Variants in FOXP2 observed in about 807,000 individuals in gnomAD.
FOXP2 encodes forkhead box P2.
In FOXP2, 12 loss-of-function variants were observed where a neutral mutation model predicts 115.8. The observed-to-expected ratio is 0.10, with a 90% CI of 0.07 to 0.17. The LOEUF is 0.17. FOXP2 is among the 10% of genes least tolerant of loss of function. FOXP2 has a pLI of 1.00. For missense variants in FOXP2, 629 were observed against 843.5 expected, an observed-to-expected ratio of 0.75 and a Z score of 3.15; for synonymous variants, 328 against 297.7, an observed-to-expected ratio of 1.10 and a Z score of -1.05.
intron 2 of FOXP2, among the ~76,000 whole-genome samples, chr7:114,512,002 T>G (rs1356367086): frequency 6.6e-6 from 1 of 152,196 alleles, no homozygotes; most frequent in African/African-American, 2.4e-5. Flanking sequence ...AATCATACTA[T>G]ATGTCATTAT....
At chr7:114,238,167 G>A (rs1584567929) in intron 1 of FOXP2, among the ~76,000 whole-genome samples, 1 of 152,184 alleles carries the variant, frequency 6.6e-6, no homozygotes, top group Non-Finnish European at 1.5e-5. Context: ...AAATGCAGAT[G>A]TGCTGTTTGT....
chr7:114,196,020 T>A (rs28721565), intron 1 of FOXP2, among the ~76,000 whole-genome samples: 17,701 of 152,062 alleles, frequency 0.12, 1,668 homozygotes, highest in African/African-American at 0.26. Context: ...TTAATTAATT[T>A]ATTTATTTAT....
intron 2 of FOXP2, among the ~76,000 whole-genome samples, chr7:114,519,695 A>G (rs1437078200): frequency 6.6e-6 from 1 of 152,154 alleles, no homozygotes; most frequent in Non-Finnish European, 1.5e-5. Context: ...TCATTCTGCA[A>G]TCATAAGAAG....
At chr7:114,447,597 C>T (rs1226204115) in intron 2 of FOXP2, among the ~76,000 whole-genome samples, 1 of 152,136 alleles carries the variant, frequency 6.6e-6, no homozygotes, top group African/African-American at 2.4e-5. Flanking sequence ...TCCTGGATCA[C>T]AAGTACCCCA....
intron 7 of FOXP2, among the ~76,000 whole-genome samples, chr7:114,642,908 C>A (rs1344334786): frequency 1.4e-5 from 2 of 147,876 alleles, no homozygotes; most frequent in Non-Finnish European, 3.0e-5. Context: ...TCCCGGGTTC[C>A]TGCCATTCTC....
chr7:114,233,495 A>G (rs1794936335), intron 1 of FOXP2, among the ~76,000 whole-genome samples: 1 of 152,228 alleles, frequency 6.6e-6, no homozygotes, highest in Non-Finnish European at 1.5e-5. Flanking sequence ...GAACAGTGGC[A>G]TTCAACTTGT....
chr7:114,220,164 G>T (rs1239781409), intron 1 of FOXP2, among the ~76,000 whole-genome samples: 1 of 151,680 alleles, frequency 6.6e-6, no homozygotes, highest in African/African-American at 2.4e-5. Context: ...TCCTGGCCCT[G>T]TGAGGGTTTT....
chr7:114,443,649 C>A (rs1350834469), intron 2 of FOXP2, among the ~76,000 whole-genome samples: 1 of 152,122 alleles, frequency 6.6e-6, no homozygotes, highest in East Asian at 1.9e-4. Flanking sequence ...GTTTAGCTCC[C>A]ACTTATAAGT....
chr7:114,483,134 G>T (rs775343618), intron 2 of FOXP2, among the ~76,000 whole-genome samples: 8 of 151,232 alleles, frequency 5.3e-5, no homozygotes, highest in Non-Finnish European at 1.2e-4. Flanking sequence ...TTTCCAGTCA[G>T]TGAGGTTCGT....
intron 2 of FOXP2, among the ~76,000 whole-genome samples, chr7:114,377,115 A>G (rs1792159498): frequency 6.6e-6 from 1 of 152,178 alleles, no homozygotes; most frequent in Admixed American, 6.6e-5. Context: ...AAACCAAATC[A>G]GAGATATTTC....
chr7:114,542,116 A>G (rs1300083715), intron 3 of FOXP2, among the ~76,000 whole-genome samples: 1 of 151,900 alleles, frequency 6.6e-6, no homozygotes, highest in African/African-American at 2.4e-5. Context: ...CCACATTTCT[A>G]TTGGTTTTCT....
intron 2 of FOXP2, among the ~76,000 whole-genome samples, chr7:114,488,483 C>T (rs891745703): frequency 3.3e-5 from 5 of 152,096 alleles, no homozygotes; most frequent in Non-Finnish European, 7.4e-5. Flanking sequence ...AAATTTACCT[C>T]TTTAAAACTC....
intron 3 of FOXP2, among the ~76,000 whole-genome samples, chr7:114,569,883 C>T (rs1801204362): frequency 6.6e-6 from 1 of 151,814 alleles, no homozygotes; most frequent in African/African-American, 2.4e-5. Context: ...TGCATCAAAC[C>T]ACTACAAATA....
At chr7:114,468,545 T>A (rs188927712) in intron 2 of FOXP2, among the ~76,000 whole-genome samples, 7 of 152,166 alleles carry the variant, frequency 4.6e-5, no homozygotes, top group Admixed American at 4.6e-4. Flanking sequence ...CTGCTTGTAG[T>A]TCCCTACGCT....
At chr7:114,138,147 A>G (rs904406292) in intron 1 of FOXP2, among the ~76,000 whole-genome samples, 2 of 152,194 alleles carry the variant, frequency 1.3e-5, no homozygotes, top group East Asian at 1.9e-4. Flanking sequence ...ATTCTAAATA[A>G]TTTATGTAGA....
intron 1 of FOXP2, among the ~76,000 whole-genome samples, chr7:114,145,488 T>TTTCTTTTCTA (rs1792346297): frequency 7.2e-6 from 1 of 139,162 alleles, no homozygotes; most frequent in Non-Finnish European, 1.5e-5. Context: ...TTTCTTTTCT[T>TTTCTTTTCTA]TTCTTTTCTT....
intron 2 of FOXP2, among the ~76,000 whole-genome samples, chr7:114,395,182 G>A (rs1272698455): frequency 6.6e-6 from 1 of 152,136 alleles, no homozygotes; most frequent in Non-Finnish European, 1.5e-5. Flanking sequence ...GCAGGAAAAA[G>A]AGCCATTAAT....
rs982703226 is a variant in FOXP2, at chr7:114,403,634, A to G, written c.-10-22868A>G. 3.3e-5 allele frequency among the ~76,000 whole-genome samples: 5 copies of G among 152,204 alleles called. No individual in the cohort carries two copies. The East Asian group carries it at 5.8e-4, about 18-fold the overall frequency. ...ACTATGCTAGTGATACAAGGATACT[A>G]TAGCTTACCCTTATCCTTGTCTCTA... On this transcript the variant is annotated intron_variant, in intron 2 of 17. Transcript: ENST00000634411.
intron 1 of FOXP2, among the ~76,000 whole-genome samples, chr7:114,194,705 C>A (rs1793857254): frequency 6.6e-6 from 1 of 152,000 alleles, no homozygotes; most frequent in African/African-American, 2.4e-5. Context: ...AGATACATAG[C>A]AAATTTAGTT....
Sources: gnomAD v4.1 joint callset for allele counts (sites outside exome capture counted in the v4.1 genomes callset) on GRCh38, gnomAD v4.1.1 for gene constraint, MANE v1.5 for transcripts, NCBI Gene and HGNC (gene_info 2026-07-23, HGNC 2026-07-21) for gene names.